The following CCDC180 variants were observed in gnomAD, a reference collection of about 807,000 sequenced individuals.
CCDC180 encodes the protein coiled-coil domain containing 180, also known as coiled-coil domain-containing protein 180.
In CCDC180, 154 loss-of-function variants were observed where a neutral mutation model predicts 209.2. That is an observed-to-expected ratio of 0.74 (90% CI 0.65 to 0.84). The LOEUF is 0.84. CCDC180 is among the 40% of genes least tolerant of loss of function. The pLI is 0.00. For missense variants in CCDC180, 1,874 were observed against 1,997.3 expected, an observed-to-expected ratio of 0.94 and a Z score of 1.18; for synonymous variants, 778 against 749.1, an observed-to-expected ratio of 1.04 and a Z score of -0.63.
chr9:97,353,969 CT>C (rs1312416170), intron 22 of CCDC180, among the ~76,000 whole-genome samples: 31 of 151,224 alleles, frequency 2.0e-4, no homozygotes, highest in Non-Finnish European at 1.5e-4. Flanking sequence ...CCAAGCTCCC[CT>C]TCTAGTTTCA....
At chr9:97,320,244 G>T in intron 11 of CCDC180, 39 bp downstream of exon 11, 1 of 1,572,090 alleles carries the variant, frequency 6.4e-7, no homozygotes, top group South Asian at 1.1e-5. Context: ...CATTTCTCCA[G>T]AACTGTTTAA....
In CCDC180 at chr9:97,376,948, A is replaced by C; in HGVS notation, c.*54A>C. 1 of 1,566,384 alleles carries C rather than the reference A, an allele frequency of 6.4e-7. No individual in the cohort carries two copies. Among genetic ancestry groups the C allele is most frequent in the Non-Finnish European group, 8.6e-7 (1 of 1,156,454 alleles). ...TCTTATACAGACTCCTTCCCTGTCCATCTACCTGCCTACCTACTTTCCGTC... is the reference window on the plus strand; with the variant it reads ...TCTTATACAGACTCCTTCCCTGTCCCTCTACCTGCCTACCTACTTTCCGTC... On this transcript the variant is annotated 3_prime_UTR_variant, in exon 37 of 37. Transcript: ENST00000529487.
Position 97,347,408 on chromosome 9 carries a change from G to A in CCDC180, c.2593G>A (p.Asp865Asn), listed in dbSNP as rs1230061516. The A allele has an allele frequency of 2.0e-6, 3 of 1,536,128 alleles. No homozygotes were observed. The highest frequency in any genetic ancestry group is 2.4e-5 in the East Asian group (1 of 40,914). ...CGTGGCCACCAAAATCAATGAGCTG[G>A]ATTCAGAACTGGAGCTGCATCTGCA... Reference protein sequence around the residue: ...VTVATKINELDSELELHLHLH... With the variant: ...VTVATKINELNSELELHLHLH... Residue 865 changes from aspartate to asparagine, a missense_variant, in exon 20 of 37, where the codon GAT becomes AAT. Transcript: ENST00000529487.
chr9:97,341,296 T>C (rs551507860), intron 18 of CCDC180, among the ~76,000 whole-genome samples: 10 of 152,316 alleles, frequency 6.6e-5, no homozygotes, highest in Middle Eastern at 3.4e-3. Flanking sequence ...TTTATCTCTT[T>C]GTCTTGTGTC....
At chr9:97,347,933 A>T (rs779895050) in intron 20 of CCDC180, among the ~76,000 whole-genome samples, 1 of 152,188 alleles carries the variant, frequency 6.6e-6, no homozygotes, top group Non-Finnish European at 1.5e-5. Context: ...TCACCTGCAG[A>T]AGGGGTTGAT....
At chr9:97,313,658 C>T (rs1587780406) in intron 5 of CCDC180, among the ~76,000 whole-genome samples, 1 of 152,340 alleles carries the variant, frequency 6.6e-6, no homozygotes, top group Non-Finnish European at 1.5e-5. Flanking sequence ...GGTCTGACAC[C>T]AAAGCCTAGC....
At chr9:97,358,637 G>A (rs757039514) in intron 25 of CCDC180, among the ~76,000 whole-genome samples, 5 of 152,132 alleles carry the variant, frequency 3.3e-5, no homozygotes, top group South Asian at 2.1e-4. Context: ...AATGATGGGG[G>A]ACATCGGGAG....
Position 97,330,379 on chromosome 9 carries a change from C to T in CCDC180, c.1886C>T (p.Ser629Phe). Residue 629 changes from serine to phenylalanine, a missense_variant, in exon 18 of 37, where the codon TCT becomes TTT. By Grantham distance (155) the Ser-to-Phe change is radical (BLOSUM62 -2). Transcript: ENST00000529487. ...RVKKLRKKQG[S>F]KEDMTRSEES... The stretch of plus-strand genomic sequence containing the variant: ...AAAAAACTGAGGAAGAAGCAAGGGT[C>T]TAAAGAGGACATGACCAGAAGTGAG... 1 of 1,614,048 alleles carries T rather than the reference C, an allele frequency of 6.2e-7. No homozygotes were observed. Among genetic ancestry groups the T allele is most frequent in the Non-Finnish European group, 8.5e-7 (1 of 1,180,018 alleles).
At chr9:97,307,827 G>A (rs1373954862) in intron 1 of CCDC180, 21 bp downstream of exon 1, 3 of 1,614,034 alleles carry the variant, frequency 1.9e-6, no homozygotes, top group Non-Finnish European at 2.5e-6. Flanking sequence ...TCGTTTCGTT[G>A]AAAGTTAAAA....
intron 2 of CCDC180, among the ~76,000 whole-genome samples, chr9:97,308,585 A>G (rs1348305309): frequency 6.6e-6 from 1 of 152,166 alleles, no homozygotes; most frequent in Non-Finnish European, 1.5e-5. Flanking sequence ...GACTCCCATA[A>G]CTGTATTAAA....
chr9:97,349,403 C>T lies in CCDC180; in HGVS notation c.2855+112C>T. 4.7e-6 allele frequency: 4 copies of T among 854,526 alleles called. No individual in the cohort carries two copies. In the South Asian group the frequency reaches 7.2e-5, roughly 15 times the overall value. The allele number at this position is 854,526 out of a possible 1,614,324, so 52.9% of individuals were successfully genotyped here. ...TAGACACAAAAGCAGAAGGCACCTCCAGAGCCTTCTTTTGAGTTAAACTCT... is the reference window on the plus strand; with the variant it reads ...TAGACACAAAAGCAGAAGGCACCTCTAGAGCCTTCTTTTGAGTTAAACTCT... On this transcript the variant is annotated intron_variant, in intron 21 of 36. Transcript: ENST00000529487.
At chr9:97,326,721 T>C in intron 15 of CCDC180, 52 bp downstream of exon 15, 1 of 1,166,996 alleles carries the variant, frequency 8.6e-7, no homozygotes, top group Non-Finnish European at 1.3e-6. Flanking sequence ...GAATTCATCT[T>C]CAAGGTCAAG....
chr9:97,321,884 C>T (rs575192782), intron 11 of CCDC180, among the ~76,000 whole-genome samples: 6 of 152,200 alleles, frequency 3.9e-5, no homozygotes, highest in South Asian at 2.1e-4. Flanking sequence ...TACAGGGCCC[C>T]GGAGGCAAGA....
intron 18 of CCDC180, among the ~76,000 whole-genome samples, chr9:97,332,414 T>C (rs1390883395): frequency 1.3e-5 from 2 of 152,192 alleles, no homozygotes; most frequent in African/African-American, 2.4e-5. Flanking sequence ...AGAATGTCAT[T>C]AGTAGTTTGA....
intron 24 of CCDC180, 36 bp from the exon 25 acceptor site, chr9:97,357,591 T>C (rs1826618175): frequency 7.2e-7 from 1 of 1,389,030 alleles, no homozygotes; most frequent in African/African-American, 1.4e-5. Context: ...CAATATGTAT[T>C]CTAGAAACAA....
Position 97,365,685 on chromosome 9 carries a change from G to C in CCDC180, c.3993G>C (p.Gly1331=). The C allele has an allele frequency of 1.2e-6, 2 of 1,614,078 alleles. No individual in the cohort carries two copies. Among genetic ancestry groups the C allele is most frequent in the Non-Finnish European group, 1.7e-6 (2 of 1,179,990 alleles). Residue 1331 remains glycine (G), a synonymous_variant, in exon 30 of 37, where the codon GGG becomes GGC. Coordinates refer to ENST00000529487, the MANE Select transcript of CCDC180 (RefSeq NM_020893.6). ...KPPPAAEDFK[G]IILTLLWESS... The stretch of plus-strand genomic sequence containing the variant: ...GTGTGTGTTGCAGGGATTTTAAGGG[G>C]ATCATCTTGACCCTCCTCTGGGAGA...
intron 8 of CCDC180, among the ~76,000 whole-genome samples, chr9:97,315,610 G>A (rs1436538377): frequency 6.6e-6 from 1 of 152,210 alleles, no homozygotes; most frequent in Non-Finnish European, 1.5e-5. Flanking sequence ...GCTGCCCAAA[G>A]GCACACTGTG....
chr9:97,313,189 C>T (rs1295282901), intron 4 of CCDC180, 47 bp from the exon 5 acceptor site: 1 of 1,312,246 alleles, frequency 7.6e-7, no homozygotes, highest in Non-Finnish European at 1.1e-6. Context: ...CTGCCTTTTC[C>T]TGAGAGCTCT....
intron 2 of CCDC180, among the ~76,000 whole-genome samples, chr9:97,308,877 TC>T (rs2118502306): frequency 6.6e-6 from 1 of 152,336 alleles, no homozygotes; most frequent in East Asian, 1.9e-4. Flanking sequence ...ATGGCATACT[TC>T]CCCCAGGGCC....
Sources: allele counts gnomAD v4.1 joint callset (sites outside exome capture counted in the v4.1 genomes callset), GRCh38; gene constraint gnomAD v4.1.1; transcripts MANE v1.5; gene names NCBI Gene and HGNC (gene_info 2026-07-23, HGNC 2026-07-21).